The following GRIK1 variants were observed in gnomAD, a reference collection of about 807,000 sequenced individuals.
GRIK1 encodes the protein glutamate receptor ionotropic, kainate 1.
Under a neutral mutation model 105.7 loss-of-function variants are expected in GRIK1, and 69 were observed. The ratio of observed to expected loss-of-function variants is 0.65; its 90% CI spans 0.54 to 0.80. The LOEUF is 0.80. GRIK1 is among the 30% of genes least tolerant of loss of function. The pLI, the probability that GRIK1 is intolerant of heterozygous loss-of-function variation, is 0.00. For missense variants in GRIK1, 1,109 were observed against 1,167.3 expected (o/e 0.95, Z 0.73); for synonymous variants, 438 against 431.3 (o/e 1.02, Z -0.19).
intron 1 of GRIK1, among the ~76,000 whole-genome samples, chr21:29,790,024 A>G (rs1278684005): frequency 6.6e-6 from 1 of 152,146 alleles, no homozygotes; most frequent in Non-Finnish European, 1.5e-5. Flanking sequence ...TGTTCACGTA[A>G]GTCTCCTTTA....
chr21:29,581,831 A>G (rs545726985), intron 12 of GRIK1, among the ~76,000 whole-genome samples: 2 of 152,146 alleles, frequency 1.3e-5, no homozygotes, highest in South Asian at 2.1e-4. Flanking sequence ...ATTCATTTCC[A>G]TATTACTGAA....
At position 29,614,240 on chromosome 21, in the gene GRIK1, A is replaced by C. The variant is rs533808025; in HGVS notation, c.1099-15303T>G. Among the ~76,000 whole-genome samples, 10 of 152,232 alleles carry C rather than the reference A, an allele frequency of 6.6e-5. No individual in the cohort carries two copies. The South Asian group carries it at 1.7e-3, about 25-fold the overall frequency. ...GTACCCATGGCCCAGGACCTCCTGCATCCCGTCAGTCCTGGAGGCATTTAC... is the reference window on the plus strand; with the variant it reads ...GTACCCATGGCCCAGGACCTCCTGCCTCCCGTCAGTCCTGGAGGCATTTAC... On this transcript the variant is annotated intron_variant, in intron 7 of 17. Coordinates refer to ENST00000327783, the MANE Select transcript of GRIK1 (RefSeq NM_001330994.2).
At chr21:29,772,904 G>T (rs2065848512) in intron 1 of GRIK1, among the ~76,000 whole-genome samples, 1 of 152,064 alleles carries the variant, frequency 6.6e-6, no homozygotes, top group African/African-American at 2.4e-5. Flanking sequence ...ATATTCTTCT[G>T]TGTCAATGTT....
chr21:29,900,459 C>CAAAAAAAAAAAAAAAAAAAAAAAAA lies in GRIK1; in HGVS notation c.118+38923_118+38924insTTTTTTTTTTTTTTTTTTTTTTTTT, dbSNP rs746842761. 3.1e-4 allele frequency among the ~76,000 whole-genome samples: 24 copies of CAAAAAAAAAAAAAAAAAAAAAAAAA among 78,296 alleles called. 1 individual carries two copies. Among genetic ancestry groups the CAAAAAAAAAAAAAAAAAAAAAAAAA allele is most frequent in the African/African-American group, 4.6e-4 (9 of 19,666 alleles). 51.4% of individuals were successfully genotyped at this position (78,296 alleles called of 152,430 possible). A position where few individuals can be genotyped will look rare whatever the true frequency, so the allele number is the denominator to read the frequency against. ...GAAGATCTACCAAACAAATGGAAAG[C>CAAAAAAAAAAAAAAAAAAAAAAAAA]AAGAAAAAAAAAAAAAAAAAGCAAG... On this transcript the variant is annotated intron_variant, in intron 1 of 17. Transcript: ENST00000327783.
chr21:29,788,344 G>C (rs2066317684), intron 1 of GRIK1, among the ~76,000 whole-genome samples: 1 of 152,172 alleles, frequency 6.6e-6, no homozygotes, highest in South Asian at 2.1e-4. Flanking sequence ...TGGTATCTGG[G>C]AGAAAGCATT....
At chr21:29,687,394 C>T (rs571158750) in intron 3 of GRIK1, among the ~76,000 whole-genome samples, 1 of 152,226 alleles carries the variant, frequency 6.6e-6, no homozygotes, top group African/African-American at 2.4e-5. Context: ...CTGAGTCAAG[C>T]AGTATAAAAC....
chr21:29,789,083 A>T (rs2066340885), intron 1 of GRIK1, among the ~76,000 whole-genome samples: 2 of 152,248 alleles, frequency 1.3e-5, no homozygotes, highest in Non-Finnish European at 2.9e-5. Flanking sequence ...GGCTATGTTA[A>T]ACCTTACCTG....
intron 1 of GRIK1, among the ~76,000 whole-genome samples, chr21:29,707,111 T>G (rs894883548): frequency 5.9e-5 from 9 of 151,754 alleles, no homozygotes; most frequent in African/African-American, 1.7e-4. Context: ...TGATCCGCCC[T>G]CCTCGGCCTC....
In GRIK1 at chr21:29,814,399, C is replaced by T. The variant is rs141147455; in HGVS notation, c.119-120336G>A. ...TAGATGTTCCTCTTCGTCTGATTTG[C>T]GATGCTGGGTGCTTGGTGAGCATGC... On this transcript the variant is annotated intron_variant, in intron 1 of 17. Coordinates refer to ENST00000327783, the MANE Select transcript of GRIK1 (RefSeq NM_001330994.2). Among the ~76,000 whole-genome samples, 25 of 152,104 alleles carry T rather than the reference C, an allele frequency of 1.6e-4. No homozygotes were observed. In the East Asian group the frequency reaches 4.7e-3, roughly 28 times the overall value.
At chr21:29,733,552 A>G (rs900098613) in intron 1 of GRIK1, among the ~76,000 whole-genome samples, 18 of 152,138 alleles carry the variant, frequency 1.2e-4, no homozygotes, top group African/African-American at 4.3e-4. Context: ...GCTACTTTAA[A>G]ACTTTCCCAT....
rs534642635 is a variant in GRIK1, at chr21:29,826,645, G to A, written c.118+112738C>T. On this transcript the variant is annotated intron_variant, in intron 1 of 17. Transcript: ENST00000327783. ...ATGATTGATGAGCCAATTTTACATAGCATGTGTGTGTGTGTGTGTGAATAC... is the reference window on the plus strand; with the variant it reads ...ATGATTGATGAGCCAATTTTACATAACATGTGTGTGTGTGTGTGTGAATAC... Among the ~76,000 whole-genome samples the A allele has an allele frequency of 9.7e-4, 148 of 151,942 alleles. 1 individual carries two copies. Among genetic ancestry groups the A allele is most frequent in the East Asian group, 5.8e-3 (30 of 5,170 alleles).
intron 3 of GRIK1, among the ~76,000 whole-genome samples, 183 bp from the exon 4 acceptor site, chr21:29,673,347 G>A (rs1377313503): frequency 6.6e-6 from 1 of 152,026 alleles, no homozygotes; most frequent in East Asian, 1.9e-4. Context: ...TTTTCCCTTT[G>A]TGGGTGTGTG....
intron 1 of GRIK1, among the ~76,000 whole-genome samples, chr21:29,775,430 C>G (rs456083): frequency 0.61 from 92,435 of 151,934 alleles, 29,598 homozygotes; most frequent in South Asian, 0.71. Flanking sequence ...TCTGCTTCCT[C>G]TCTCCAGCTA....
At chr21:29,672,933 T>C (rs1487295095) in intron 4 of GRIK1, 50 bp downstream of exon 4, 5 of 1,380,484 alleles carry the variant, frequency 3.6e-6, no homozygotes, top group Non-Finnish European at 5.0e-6. Flanking sequence ...TTTTGAAAAA[T>C]AGAAAATAAC....
intron 1 of GRIK1, among the ~76,000 whole-genome samples, chr21:29,888,878 T>TAA (rs1465086006): frequency 1.3e-5 from 2 of 151,910 alleles, no homozygotes; most frequent in African/African-American, 4.8e-5. Flanking sequence ...GAAGAACAGG[T>TAA]GGTTGTCCTG....
intron 1 of GRIK1, chr21:29,861,702 G>T (rs2068646550): frequency 2.2e-6 from 1 of 448,682 alleles, no homozygotes. Context: ...TGTATTTTCT[G>T]CATAAATGTA....
intron 1 of GRIK1, among the ~76,000 whole-genome samples, chr21:29,855,530 C>T (rs933668347): frequency 6.6e-6 from 1 of 152,078 alleles, no homozygotes; most frequent in Admixed American, 6.5e-5. Flanking sequence ...AGTATATTGC[C>T]AGTGAAGTAG....
chr21:29,690,169 T>C (rs989352557), intron 2 of GRIK1, among the ~76,000 whole-genome samples, 184 bp from the exon 3 acceptor site: 5 of 152,234 alleles, frequency 3.3e-5, no homozygotes, highest in Admixed American at 2.6e-4. Context: ...CCAACTTTCT[T>C]GAGCTGCTAA....
At chr21:29,765,857 CT>C (rs113142690) in intron 1 of GRIK1, among the ~76,000 whole-genome samples, 170 of 146,360 alleles carry the variant, frequency 1.2e-3, no homozygotes, top group South Asian at 3.7e-3. Flanking sequence ...GAAAATTCTT[CT>C]TTTTTTTTTT....
Sources: allele counts gnomAD v4.1 joint callset (sites outside exome capture counted in the v4.1 genomes callset), GRCh38; gene constraint gnomAD v4.1.1; transcripts MANE v1.5; gene names NCBI Gene and HGNC (gene_info 2026-07-23, HGNC 2026-07-21).